MLIP: variants seen among roughly 807,000 people sequenced by gnomAD.
The protein encoded by MLIP is muscular LMNA-interacting protein.
MLIP carries 79 observed loss-of-function variants against 84.8 expected under a neutral mutation model. That is an observed-to-expected ratio of 0.93 (90% CI 0.78 to 1.12). The LOEUF (loss-of-function observed/expected upper bound fraction) is 1.12, where lower values mean the gene tolerates loss of function less well. MLIP is among the 50% of genes most tolerant of loss of function. The pLI, the probability that MLIP is intolerant of heterozygous loss-of-function variation, is 0.00. For synonymous variants in MLIP, 504 were observed against 463.0 expected, an observed-to-expected ratio of 1.09 and a Z score of -1.14; for missense variants, 1,257 against 1,160.6, an observed-to-expected ratio of 1.08 and a Z score of -1.21.
chr6:54,089,713 C>T (rs1470733275), intron 1 of MLIP, among the ~76,000 whole-genome samples: 2 of 152,066 alleles, frequency 1.3e-5, no homozygotes, highest in African/African-American at 4.8e-5. Context: ...CTGAGTTGAG[C>T]CCAAATATTG....
chr6:54,179,970 CT>C lies in MLIP; in HGVS notation c.2545-9898del, dbSNP rs372154074. Among the ~76,000 whole-genome samples, 193 of 152,256 alleles carry C rather than the reference CT, an allele frequency of 1.3e-3. 4 individuals are homozygous for C. The South Asian group carries it at 0.023, about 18-fold the overall frequency. ...AATTGAAGAGCCCTCTTTAGCATTT[CT>C]TGTAGACAGGTCTGATGTTAATGAA... On this transcript the variant is annotated intron_variant, in intron 9 of 13. Coordinates refer to ENST00000502396, the MANE Select transcript of MLIP (RefSeq NM_001281747.2).
chr6:54,206,055 A>C (rs928266948), intron 11 of MLIP, among the ~76,000 whole-genome samples: 20 of 152,332 alleles, frequency 1.3e-4, no homozygotes, highest in African/African-American at 4.6e-4. Context: ...CAGAAGACAT[A>C]CAGGCTCAGA....
chr6:54,227,869 G>A (rs1176318310), intron 11 of MLIP, among the ~76,000 whole-genome samples: 1 of 152,128 alleles, frequency 6.6e-6, no homozygotes, highest in Admixed American at 6.6e-5. Flanking sequence ...CCAAAAAAAT[G>A]TAAGACACAG....
chr6:54,118,074 T>A (rs570302598), intron 1 of MLIP, among the ~76,000 whole-genome samples: 31 of 152,314 alleles, frequency 2.0e-4, no homozygotes, highest in Admixed American at 2.0e-3. Flanking sequence ...GAAGAATAAG[T>A]GTTGTTAAAA....
At chr6:54,029,015 T>A (rs1763976777) in intron 1 of MLIP, 2 of 152,190 alleles carry the variant, frequency 1.3e-5, no homozygotes, top group Admixed American at 1.3e-4. Context: ...GTTTATGGTT[T>A]AACATTCCTT....
At chr6:54,194,628 T>C (rs1778169059) in intron 10 of MLIP, among the ~76,000 whole-genome samples, 1 of 152,160 alleles carries the variant, frequency 6.6e-6, no homozygotes, top group South Asian at 2.1e-4. Flanking sequence ...ATGCCATATT[T>C]ATAATTGCAA....
chr6:54,140,159 C>T (rs75953803), intron 4 of MLIP, among the ~76,000 whole-genome samples: 1,838 of 152,152 alleles, frequency 0.012, 45 homozygotes, highest in African/African-American at 0.04. Flanking sequence ...ATTTTTTGAA[C>T]CATGATGCCA....
chr6:54,141,855 T>C (rs1293562068), intron 4 of MLIP, among the ~76,000 whole-genome samples: 1 of 152,232 alleles, frequency 6.6e-6, no homozygotes, highest in Non-Finnish European at 1.5e-5. Context: ...GTTCCAATTA[T>C]AAAGACTCTC....
chr6:54,089,046 T>C (rs569065292), intron 1 of MLIP, among the ~76,000 whole-genome samples: 79 of 152,298 alleles, frequency 5.2e-4, no homozygotes, highest in African/African-American at 1.8e-3. Context: ...CTTACAATTC[T>C]GGTGGATTTT....
chr6:54,154,804 T>G (rs1472417944), intron 5 of MLIP, among the ~76,000 whole-genome samples: 1 of 152,162 alleles, frequency 6.6e-6, no homozygotes, highest in Non-Finnish European at 1.5e-5. Context: ...ATAATGTGGC[T>G]CTGAGATGAC....
At chr6:54,039,269 A>C (rs965384450) in intron 1 of MLIP, among the ~76,000 whole-genome samples, 1 of 151,980 alleles carries the variant, frequency 6.6e-6, no homozygotes, top group East Asian at 1.9e-4. Flanking sequence ...ATGTGTGATG[A>C]CATTTTATGA....
At chr6:54,159,285 C>A (rs1774367941) in intron 5 of MLIP, among the ~76,000 whole-genome samples, 1 of 151,992 alleles carries the variant, frequency 6.6e-6, no homozygotes, top group African/African-American at 2.4e-5. Context: ...TACCCTGAGA[C>A]AGGTTTGAGA....
At chr6:54,119,056 G>A (rs1770205904) in intron 1 of MLIP, among the ~76,000 whole-genome samples, 1 of 132,418 alleles carries the variant, frequency 7.6e-6, no homozygotes, top group Admixed American at 8.1e-5. Context: ...GTGTTGGTGA[G>A]AATGTAAGAA....
At chr6:54,148,207 G>C (rs573843385) in intron 4 of MLIP, among the ~76,000 whole-genome samples, 1 of 152,114 alleles carries the variant, frequency 6.6e-6, no homozygotes, top group African/African-American at 2.4e-5. Flanking sequence ...CCTGAGACAA[G>C]GGCATCTGAA....
chr6:54,076,892 GA>G (rs535619466), intron 1 of MLIP, among the ~76,000 whole-genome samples: 12 of 149,906 alleles, frequency 8.0e-5, no homozygotes, highest in Admixed American at 1.3e-4. Context: ...GTTTTAAAAA[GA>G]AAAAAAAAGA....
chr6:54,241,252 C>T lies in MLIP; in HGVS notation c.2922+10335C>T, dbSNP rs1781717421. On this transcript the variant is annotated intron_variant, in intron 12 of 13. Coordinates refer to ENST00000502396, the MANE Select transcript of MLIP (RefSeq NM_001281747.2). Reference sequence around the variant, plus strand: ...TAATTATTTTTTCCTCATATAACTCCTAGTAAGTAAAAGGAAACACAACTG... The same window carrying T: ...TAATTATTTTTTCCTCATATAACTCTTAGTAAGTAAAAGGAAACACAACTG... 4.7e-5 allele frequency among the ~76,000 whole-genome samples: 7 copies of T among 149,664 alleles called. No individual in the cohort carries two copies. In the Admixed American group the frequency reaches 4.7e-4, roughly 10 times the overall value.
rs1694776145 is a variant in MLIP at position 54,266,228 on chromosome 6, A to G, written c.*273A>G. 5.5e-6 allele frequency: 2 copies of G among 361,760 alleles called. No individual in the cohort carries two copies. Among genetic ancestry groups the G allele is most frequent in the African/African-American group, 4.2e-5 (2 of 47,944 alleles). The allele number at this position is 361,760 out of a possible 1,614,324, so 22.4% of individuals were successfully genotyped here. A position where few individuals can be genotyped will look rare whatever the true frequency, so the allele number is the denominator to read the frequency against. ...TTAATATTAAGCTGACCGCAATACT[A>G]ACGTGCCCCTATATTTGGCAGCCAA... On this transcript the variant is annotated 3_prime_UTR_variant, in exon 14 of 14. Transcript: ENST00000502396.
intron 1 of MLIP, among the ~76,000 whole-genome samples, chr6:54,088,667 T>C (rs1378955440): frequency 6.6e-6 from 1 of 152,198 alleles, no homozygotes; most frequent in African/African-American, 2.4e-5. Flanking sequence ...AATAGCTTAT[T>C]ATACCTGTTA....
In MLIP at chr6:54,218,852, TA is replaced by T. The variant is rs1780022821; in HGVS notation, c.2719-11860del. Among the ~76,000 whole-genome samples the T allele has an allele frequency of 2.0e-5, 3 of 152,004 alleles. No individual in the cohort carries two copies. In the South Asian group the frequency reaches 6.2e-4, roughly 32 times the overall value. On this transcript the variant is annotated intron_variant, in intron 11 of 13. Transcript: ENST00000502396. ...TTTCAATAATAACCTCAGCTTACTG[TA>T]ATTTTTTACTTAATAAACTTGAAGT...
Sources: allele counts gnomAD v4.1 joint callset (sites outside exome capture counted in the v4.1 genomes callset), GRCh38; gene constraint gnomAD v4.1.1; transcripts MANE v1.5; gene names NCBI Gene and HGNC (gene_info 2026-07-23, HGNC 2026-07-21).